The following BARD1 variants were observed in gnomAD, a reference collection of about 807,000 sequenced individuals.
The protein encoded by BARD1 is BRCA1 associated RING domain 1, also known as BRCA1-associated RING domain protein 1.
BARD1 carries 73 observed loss-of-function variants against 77.0 expected under a neutral mutation model. The observed-to-expected ratio is 0.95, with a 90% CI of 0.79 to 1.15. The LOEUF (loss-of-function observed/expected upper bound fraction) is 1.15, where lower values mean the gene tolerates loss of function less well. BARD1 is among the 50% of genes most tolerant of loss of function. The pLI is 0.00. For synonymous variants in BARD1, 384 were observed against 338.0 expected (o/e 1.14, Z -1.49); for missense variants, 993 against 938.8 (o/e 1.06, Z -0.75).
At chr2:214,795,942 C>G (rs528997784) in intron 2 of BARD1, among the ~76,000 whole-genome samples, 49 of 152,214 alleles carry the variant, frequency 3.2e-4, no homozygotes, top group South Asian at 6.2e-4. Flanking sequence ...CCTCGTATAA[C>G]AGATCTGTTT....
At chr2:214,735,734 T>C (rs1027219993) in intron 9 of BARD1, among the ~76,000 whole-genome samples, 5 of 152,160 alleles carry the variant, frequency 3.3e-5, no homozygotes, top group South Asian at 4.1e-4. Flanking sequence ...GATGTGAATA[T>C]GTCAAATGCT....
Position 214,791,676 on chromosome 2 carries a change from C to T in BARD1, c.364+621G>A, listed in dbSNP as rs1297246956. On this transcript the variant is annotated intron_variant, in intron 3 of 10. Transcript: ENST00000260947. ...AATGAATATTAGATTTCTGCTCTTT[C>T]AAAATGTGCTCATCTAATTAATTCA... Among the ~76,000 whole-genome samples the T allele has an allele frequency of 4.6e-5, 7 of 152,132 alleles. No homozygotes were observed. In the East Asian group the frequency reaches 1.4e-3, roughly 29 times the overall value.
intron 6 of BARD1, among the ~76,000 whole-genome samples, chr2:214,756,327 AT>A (rs537342250): frequency 1.4e-3 from 217 of 152,342 alleles, no homozygotes; most frequent in Non-Finnish European, 2.6e-3. Context: ...AAATAAAAAA[AT>A]AACAGATGTT....
intron 6 of BARD1, 79 bp downstream of exon 6, chr2:214,767,403 T>G: frequency 7.5e-7 from 1 of 1,325,968 alleles, no homozygotes; most frequent in South Asian, 1.2e-5. Flanking sequence ...CTTGACTATT[T>G]TAAAGTCTGC....
At chr2:214,730,913 A>C (rs1323260786) in intron 9 of BARD1, 1 of 457,498 alleles carries the variant, frequency 2.2e-6, no homozygotes, top group Non-Finnish European at 4.4e-6. Context: ...CTTACCATCT[A>C]TACTGCTCAT....
At chr2:214,748,465 T>C (rs1693247757) in intron 7 of BARD1, among the ~76,000 whole-genome samples, 1 of 152,152 alleles carries the variant, frequency 6.6e-6, no homozygotes, top group African/African-American at 2.4e-5. Flanking sequence ...TAGGGTACTT[T>C]TTCTTAGATA....
At chr2:214,784,940 G>A (rs1695202940) in intron 3 of BARD1, among the ~76,000 whole-genome samples, 1 of 151,736 alleles carries the variant, frequency 6.6e-6, no homozygotes, top group Non-Finnish European at 1.5e-5. Context: ...ACAGGTTGAT[G>A]GGTGCAGCAA....
At chr2:214,801,300 T>C (rs1338731007) in intron 1 of BARD1, among the ~76,000 whole-genome samples, 1 of 152,208 alleles carries the variant, frequency 6.6e-6, no homozygotes, top group Non-Finnish European at 1.5e-5. Flanking sequence ...TGGTGTTTAG[T>C]ATCTGCTTAT....
chr2:214,798,569 G>A (rs566762654), intron 1 of BARD1, among the ~76,000 whole-genome samples: 11 of 151,910 alleles, frequency 7.2e-5, no homozygotes, highest in African/African-American at 2.2e-4. Flanking sequence ...TCTCTACCTT[G>A]AAAGAAGTCC....
rs775733571 is a variant in BARD1 at position 214,781,529 on chromosome 2, A to G, written c.365-20T>C. On this transcript the variant is annotated intron_variant, in intron 3 of 10. Transcript: ENST00000260947. ...TCAAATCTGACAGAAAAAAAGAAAA[A>G]GAAATCTGTTACATGAAATTTATTG... 1 of 1,594,616 alleles carries G rather than the reference A, an allele frequency of 6.3e-7. No homozygotes were observed. The highest frequency in any genetic ancestry group is 8.6e-7 in the Non-Finnish European group (1 of 1,166,624).
chr2:214,728,771 G>T lies in BARD1; in HGVS notation c.2239C>A (p.Pro747Thr), dbSNP rs1574702322. The T allele has an allele frequency of 6.2e-7, 1 of 1,613,978 alleles. No individual in the cohort carries two copies. The highest frequency in any genetic ancestry group is 1.1e-5 in the South Asian group (1 of 91,082). ...ACTTTGCCCTGCCGAACCCTCTCTG[G>T]GTGATAATTACACAAATCTTCATAG... is the stretch of plus-strand genomic sequence containing the variant. ...IIYEDLCNYH[P>T]ERVRQGKVWK... is the part of the protein sequence containing the mutation. The change falls in exon 11 of 11, where the codon CCA (proline) becomes ACA (threonine). Residue 747 changes from proline (P) to threonine (T), a missense_variant. By Grantham distance (38) the Pro-to-Thr change is conservative (BLOSUM62 -1). Transcript: ENST00000260947.
At chr2:214,781,623 A>G in intron 3 of BARD1, 114 bp from the exon 4 acceptor site, 1 of 786,542 alleles carries the variant, frequency 1.3e-6, no homozygotes, top group Non-Finnish European at 2.0e-6. Context: ...TTAATTATGT[A>G]CTTCTTTCTC....
At chr2:214,741,023 A>G (rs1437627135) in intron 9 of BARD1, among the ~76,000 whole-genome samples, 1 of 152,162 alleles carries the variant, frequency 6.6e-6, no homozygotes, top group African/African-American at 2.4e-5. Context: ...TTTGAAAAGA[A>G]TTAATGTGTT....
At chr2:214,778,067 G>T (rs1157832827) in intron 4 of BARD1, among the ~76,000 whole-genome samples, 1 of 151,928 alleles carries the variant, frequency 6.6e-6, no homozygotes, top group Admixed American at 6.6e-5. Flanking sequence ...ATGATGGCAG[G>T]TGCCTGTAAT....
At chr2:214,754,789 G>A (rs1488597423) in intron 6 of BARD1, among the ~76,000 whole-genome samples, 1 of 152,068 alleles carries the variant, frequency 6.6e-6, no homozygotes, top group Non-Finnish European at 1.5e-5. Context: ...CTCCTGTAAC[G>A]CTAATGAACT....
intron 10 of BARD1, among the ~76,000 whole-genome samples, chr2:214,729,757 A>T (rs116694294): frequency 0.015 from 2,224 of 152,298 alleles, 15 homozygotes; most frequent in Middle Eastern, 0.024. Flanking sequence ...AAACATTATT[A>T]AATTACAAGA....
intron 4 of BARD1, among the ~76,000 whole-genome samples, chr2:214,771,953 T>C (rs1354005895): frequency 1.5e-5 from 2 of 137,920 alleles, no homozygotes; most frequent in Non-Finnish European, 3.1e-5. Flanking sequence ...AGCAACATTT[T>C]CCCAGATTTC....
chr2:214,735,738 A>G (rs774750427), intron 9 of BARD1, among the ~76,000 whole-genome samples: 1 of 152,136 alleles, frequency 6.6e-6, no homozygotes, highest in Non-Finnish European at 1.5e-5. Context: ...TGAATATGTC[A>G]AATGCTTAAA....
intron 9 of BARD1, among the ~76,000 whole-genome samples, chr2:214,738,047 A>G (rs1294902085): frequency 1.3e-5 from 2 of 152,170 alleles, no homozygotes; most frequent in Non-Finnish European, 2.9e-5. Flanking sequence ...AAGTTTACGT[A>G]AACATAACTT....
Sources: allele counts gnomAD v4.1 joint callset (sites outside exome capture counted in the v4.1 genomes callset), GRCh38; gene constraint gnomAD v4.1.1; transcripts MANE v1.5; gene names NCBI Gene and HGNC (gene_info 2026-07-23, HGNC 2026-07-21).